The following CACNG8 variants were observed in gnomAD, a reference collection of about 807,000 sequenced individuals.
The protein encoded by CACNG8 is voltage-dependent calcium channel gamma-8 subunit.
CACNG8 carries 5 observed loss-of-function variants against 26.9 expected under a neutral mutation model. The observed-to-expected ratio is 0.19, with a 90% CI of 0.10 to 0.39. The LOEUF is 0.39. Ranked by LOEUF, CACNG8 falls within the 10% of genes least tolerant of loss-of-function variation. The pLI is 1.00. For synonymous variants in CACNG8, 321 were observed against 296.7 expected, an observed-to-expected ratio of 1.08 and a Z score of -0.84; for missense variants, 473 against 609.4, an observed-to-expected ratio of 0.78 and a Z score of 2.36.
rs1020918233 is a variant in CACNG8 at position 53,989,522 on chromosome 19, C to T, written c.*6673C>T. 2.0e-5 allele frequency: 3 copies of T among 152,356 alleles called. No individual in the cohort carries two copies. The highest frequency in any genetic ancestry group is 4.8e-5 in the African/African-American group (2 of 41,432). 9.4% of individuals were successfully genotyped at this position (152,356 alleles called of 1,614,324 possible). ...TCAATAAAAAGAAAAAAAAATATTT[C>T]CTGAGGACTTCCAAGTACAAGGCCC... On this transcript the variant is annotated 3_prime_UTR_variant, in exon 4 of 4. Coordinates refer to ENST00000270458, the MANE Select transcript of CACNG8 (RefSeq NM_031895.6).
Position 53,979,917 on chromosome 19 carries a change from C to T in CACNG8, c.418C>T (p.Leu140=). The change falls in exon 3 of 4, where the codon CTG becomes TTG. Residue 140 remains leucine, a synonymous_variant. Coordinates refer to ENST00000270458, the MANE Select transcript of CACNG8 (RefSeq NM_031895.6). ...CCCCATCCTTAGCGCCATCCTGCTG[C>T]TGCTCGGGGGTGTGTGCGTGGCGGC... The T allele has an allele frequency of 1.9e-6, 3 of 1,610,928 alleles. No homozygotes were observed. The highest frequency in any genetic ancestry group is 2.5e-6 in the Non-Finnish European group (3 of 1,178,298).
At chr19:53,965,137 C>T (rs1289091820) in intron 1 of CACNG8, among the ~76,000 whole-genome samples, 1 of 152,218 alleles carries the variant, frequency 6.6e-6, no homozygotes, top group Non-Finnish European at 1.5e-5. Context: ...AAGAGCAGAA[C>T]TCGAATCTCA....
intron 1 of CACNG8, among the ~76,000 whole-genome samples, chr19:53,969,231 G>A (rs539963704): frequency 5.7e-4 from 87 of 151,978 alleles, no homozygotes; most frequent in African/African-American, 1.7e-3. Flanking sequence ...CTCAAACTCC[G>A]GCCTCAGGTG....
chr19:53,970,928 T>A, intron 1 of CACNG8, among the ~76,000 whole-genome samples: 2 of 109,428 alleles, frequency 1.8e-5, no homozygotes, highest in South Asian at 3.3e-4. Context: ...CAAGACCCTA[T>A]CTCAAAAAAA....
chr19:53,980,080 G>A (rs528042460), intron 3 of CACNG8, 73 bp downstream of exon 3: 23,381 of 1,425,312 alleles, frequency 0.016, 106 homozygotes, highest in Middle Eastern at 0.03. Context: ...GTGTGTGTGT[G>A]TGTGTGCGCG....
chr19:53,972,062 T>G (rs544890962), intron 1 of CACNG8, among the ~76,000 whole-genome samples: 7 of 151,860 alleles, frequency 4.6e-5, no homozygotes, highest in African/African-American at 1.7e-4. Context: ...TGGCGTGATA[T>G]CGGCTCACTG....
intron 3 of CACNG8, among the ~76,000 whole-genome samples, chr19:53,980,648 T>A (rs2069361167): frequency 6.6e-6 from 1 of 152,112 alleles, no homozygotes. Context: ...GGAGGGGTTA[T>A]GTCCTTAAGG....
At chr19:53,968,166 G>T (rs1269481512) in intron 1 of CACNG8, among the ~76,000 whole-genome samples, 1 of 152,028 alleles carries the variant, frequency 6.6e-6, no homozygotes, top group Non-Finnish European at 1.5e-5. Flanking sequence ...CTTGAGCCCA[G>T]GAGTTCGAGA....
At chr19:53,975,845 T>C (rs1316851466) in intron 1 of CACNG8, among the ~76,000 whole-genome samples, 1 of 152,228 alleles carries the variant, frequency 6.6e-6, no homozygotes, top group Non-Finnish European at 1.5e-5. Flanking sequence ...CCTTTTCTGT[T>C]TCTCAGTTTC....
At chr19:53,978,076 T>G in intron 1 of CACNG8, 70 bp from the exon 2 acceptor site, 1 of 1,050,972 alleles carries the variant, frequency 9.5e-7, no homozygotes, top group Non-Finnish European at 1.5e-6. Context: ...AAGGGTCGGT[T>G]GTCAGTGGGG....
In CACNG8 at chr19:53,982,945, C is replaced by G. The variant is rs1439532052; in HGVS notation, c.*96C>G. ...GGTCGGGGGCGCCCCCGCTTTCCCC[C>G]GTGAGCGCGCTGGAGACTGCTGGGC... On this transcript the variant is annotated 3_prime_UTR_variant, in exon 4 of 4. Transcript: ENST00000270458. This position sits in a 1 kb window ranked among gnomAD's most constrained non-coding sequence, Gnocchi z 8.4. 8 of 850,734 alleles carry G rather than the reference C, an allele frequency of 9.4e-6. No individual in the cohort carries two copies. Among genetic ancestry groups the G allele is most frequent in the Non-Finnish European group, 1.1e-5 (7 of 665,412 alleles). The allele number at this position is 850,734 out of a possible 1,614,324, so 52.7% of individuals were successfully genotyped here.
chr19:53,980,081 TGTGTGCGC>T (rs1387237364), intron 3 of CACNG8, 74 bp downstream of exon 3: 32 of 1,280,070 alleles, frequency 2.5e-5, no homozygotes, highest in Middle Eastern at 2.2e-4. Context: ...TGTGTGTGTG[TGTGTGCGC>T]GCGCGCGCGT....
At position 53,982,883 on chromosome 19, in the gene CACNG8, G is replaced by A. The variant is rs2069382491; in HGVS notation, c.*34G>A. 1 of 1,228,588 alleles carries A rather than the reference G, an allele frequency of 8.1e-7. No homozygotes were observed. Among genetic ancestry groups the A allele is most frequent in the Non-Finnish European group, 1.0e-6 (1 of 983,614 alleles). 76.1% of individuals were successfully genotyped at this position (1,228,588 alleles called of 1,614,324 possible). On this transcript the variant is annotated 3_prime_UTR_variant, in exon 4 of 4. Transcript: ENST00000270458. The surrounding 1 kb of genome is among the most constrained non-coding windows in gnomAD (Gnocchi z 8.4). ...CGGGGGAGCCGAGGGGCGTGTCCGG[G>A]GCGCGTGCGCGGGCGCGCGTGCATC...
rs1161983009 is a variant in CACNG8, at chr19:53,978,240, G to A, written c.367+11G>A. ...CGGAGTATCTACTCCGTACGTGGGG[G>A]TCCGGGACAGACGTGGGGAGTGGGT... is the stretch of plus-strand genomic sequence containing the variant. On this transcript the variant is annotated intron_variant, in intron 2 of 3. Coordinates refer to ENST00000270458, the MANE Select transcript of CACNG8 (RefSeq NM_031895.6). 6.2e-7 allele frequency: 1 copy of A among 1,608,214 alleles called. No individual in the cohort carries two copies. Among genetic ancestry groups the A allele is most frequent in the Non-Finnish European group, 8.5e-7 (1 of 1,176,622 alleles).
intron 1 of CACNG8, among the ~76,000 whole-genome samples, chr19:53,977,198 T>A (rs560119135): frequency 6.6e-6 from 1 of 152,136 alleles, no homozygotes; most frequent in Admixed American, 6.5e-5. Context: ...TGTCTGTGTG[T>A]GTCTAGGGAA....
rs1487434100 is a variant in CACNG8 at position 53,988,048 on chromosome 19, G to A, written c.*5199G>A. 8.2e-6 allele frequency: 1 copy of A among 121,750 alleles called. No individual in the cohort carries two copies. Among genetic ancestry groups the A allele is most frequent in the Non-Finnish European group, 1.8e-5 (1 of 54,392 alleles). The allele number at this position is 121,750 out of a possible 1,614,324, so 7.5% of individuals were successfully genotyped here. On this transcript the variant is annotated 3_prime_UTR_variant, in exon 4 of 4. Coordinates refer to ENST00000270458, the MANE Select transcript of CACNG8 (RefSeq NM_031895.6). ...GGTTACAGAGGGCAAATGCACCTTTGTGTTTCAAGAAGGAGAGGAGACAGC... is the reference window on the plus strand; with the variant it reads ...GGTTACAGAGGGCAAATGCACCTTTATGTTTCAAGAAGGAGAGGAGACAGC...
At position 53,990,152 on chromosome 19, in the gene CACNG8, G is replaced by A. The variant is rs1358639573; in HGVS notation, c.*7303G>A. ...GGCTGTCCTCTGTCCCTGCTCCTGG[G>A]GGAGCTGAAACTGCATGGAAGGTCC... On this transcript the variant is annotated 3_prime_UTR_variant, in exon 4 of 4. Transcript: ENST00000270458. 6.6e-6 allele frequency: 1 copy of A among 152,542 alleles called. No individual in the cohort carries two copies. Among genetic ancestry groups the A allele is most frequent in the African/African-American group, 2.4e-5 (1 of 41,400 alleles). The allele number at this position is 152,542 out of a possible 1,614,324, so 9.4% of individuals were successfully genotyped here. A position where few individuals can be genotyped will look rare whatever the true frequency, so the allele number is the denominator to read the frequency against.
intron 1 of CACNG8, among the ~76,000 whole-genome samples, chr19:53,971,275 G>T (rs1409412256): frequency 7.1e-6 from 1 of 140,668 alleles, no homozygotes; most frequent in Non-Finnish European, 1.5e-5. Flanking sequence ...CTGGGCAACA[G>T]ATTGAGGCCC....
chr19:53,964,811 C>T (rs2069263174), intron 1 of CACNG8, among the ~76,000 whole-genome samples: 1 of 152,138 alleles, frequency 6.6e-6, no homozygotes, highest in Non-Finnish European at 1.5e-5. Context: ...GCATATCTGC[C>T]CTGCTGTGTG....
Sources: allele counts gnomAD v4.1 joint callset (sites outside exome capture counted in the v4.1 genomes callset), GRCh38; gene constraint gnomAD v4.1.1; non-coding constraint Gnocchi (gnomAD v3.1); transcripts MANE v1.5; gene names NCBI Gene and HGNC (gene_info 2026-07-23, HGNC 2026-07-21).